The following XCL2 variants were observed in gnomAD, a reference collection of about 807,000 sequenced individuals.
The protein encoded by XCL2 is X-C motif chemokine ligand 2.
A neutral mutation model predicts 7.2 loss-of-function variants in XCL2; 8 were observed. The ratio of observed to expected loss-of-function variants is 1.10; its 90% CI spans 0.65 to 1.99. The LOEUF (loss-of-function observed/expected upper bound fraction) is 1.99. Ranked by LOEUF, XCL2 falls within the 30% of genes most tolerant of loss-of-function variation. XCL2 has a pLI of 0.00. For synonymous variants in XCL2, 46 were observed against 54.2 expected, an observed-to-expected ratio of 0.85 and a Z score of 0.67; for missense variants, 131 against 138.6, an observed-to-expected ratio of 0.94 and a Z score of 0.28.
Position 168,540,911 on chromosome 1 carries a change from A to G in XCL2, c.*41T>C, listed in dbSNP as rs1055390691. 9 of 1,606,092 alleles carry G rather than the reference A, an allele frequency of 5.6e-6. No homozygotes were observed. The highest frequency in any genetic ancestry group is 7.7e-6 in the Non-Finnish European group (9 of 1,174,172). On this transcript the variant is annotated 3_prime_UTR_variant, in exon 3 of 3. Coordinates refer to ENST00000367819, the MANE Select transcript of XCL2 (RefSeq NM_003175.4). ...TCAGTCCATGAGGGTGTAAAGTGAA[A>G]TGAGCTGGCTGGCTGGAGACGGACA...
At chr1:168,543,721 C>T (rs1341444454) in intron 1 of XCL2, among the ~76,000 whole-genome samples, 183 bp downstream of exon 1, 1 of 151,520 alleles carries the variant, frequency 6.6e-6, no homozygotes, top group East Asian at 2.0e-4. Context: ...CAAATTCTCC[C>T]TGTTTTGGAA....
chr1:168,543,666 A>C (rs1185231787), intron 1 of XCL2, among the ~76,000 whole-genome samples: 2 of 146,692 alleles, frequency 1.4e-5, no homozygotes, highest in Admixed American at 7.0e-5. Flanking sequence ...TAAGGAATTT[A>C]CCTGAAATTA....
intron 1 of XCL2, chr1:168,542,861 G>A (rs181594216): frequency 4.9e-4 from 99 of 203,680 alleles, no homozygotes; most frequent in African/African-American, 2.1e-3. Flanking sequence ...GGCAGGCATT[G>A]GACAGGACAT....
chr1:168,541,987 A>G lies in XCL2; in HGVS notation c.176+6T>C, dbSNP rs375960253. ...CCCAGCCCAACTTCTGAGGAGGCAGACTCACATTACTGCTCTCAAGGAGCC... is the reference window on the plus strand; with the variant it reads ...CCCAGCCCAACTTCTGAGGAGGCAGGCTCACATTACTGCTCTCAAGGAGCC... On this transcript the variant is annotated splice_donor_region_variant and intron_variant, in intron 2 of 2. Transcript: ENST00000367819. 3.7e-6 allele frequency: 6 copies of G among 1,610,302 alleles called. No homozygotes were observed. Among genetic ancestry groups the G allele is most frequent in the Non-Finnish European group, 5.1e-6 (6 of 1,178,058 alleles).
chr1:168,543,927 G>C lies in XCL2; in HGVS notation c.38C>G (p.Ser13Cys). Residue 13 changes from serine to cysteine, a missense_variant, in exon 1 of 3, where the codon TCT becomes TGT. Transcript: ENST00000367819. ...ACCTTCCACAATGTATGCAGTGAGA[G>C]AGCAGATGCCAAGGAGGGCCAGGAT... ...LLILALLGICSLTAYIVEGVG... is the reference protein window; with the variant it reads ...LLILALLGICCLTAYIVEGVG... 6.2e-7 allele frequency: 1 copy of C among 1,610,898 alleles called. No homozygotes were observed. The highest frequency in any genetic ancestry group is 1.3e-5 in the African/African-American group (1 of 74,228).
At chr1:168,541,640 C>A (rs1322669848) in intron 2 of XCL2, among the ~76,000 whole-genome samples, 2 of 152,128 alleles carry the variant, frequency 1.3e-5, no homozygotes, top group Non-Finnish European at 2.9e-5. Context: ...CTCTGCCTAA[C>A]TCAACCCTAA....
rs745531657 is a variant in XCL2, at chr1:168,540,947, G to T, written c.*5C>A. Reference sequence around the variant, plus strand: ...GGCTGGAGACGGACAGGGTGCCAGAGACTACTAGCCAGTCAGGGTCACAGC... The same window carrying T: ...GGCTGGAGACGGACAGGGTGCCAGATACTACTAGCCAGTCAGGGTCACAGC... On this transcript the variant is annotated 3_prime_UTR_variant, in exon 3 of 3. Transcript: ENST00000367819. The T allele has an allele frequency of 3.1e-6, 5 of 1,612,564 alleles. No individual in the cohort carries two copies. The African/African-American group carries it at 6.7e-5, about 22-fold the overall frequency.
At position 168,543,892 on chromosome 1, in the gene XCL2, T is replaced by G. The variant is rs562716693; in HGVS notation, c.61+12A>C. The stretch of plus-strand genomic sequence containing the variant: ...CCCTATTCTTTATCTCACAGACAGC[T>G]TCTCCACTTACCTTCCACAATGTAT... On this transcript the variant is annotated intron_variant, in intron 1 of 2. Coordinates refer to ENST00000367819, the MANE Select transcript of XCL2 (RefSeq NM_003175.4). The G allele has an allele frequency of 6.2e-7, 1 of 1,600,446 alleles. No homozygotes were observed. The highest frequency in any genetic ancestry group is 2.2e-5 in the East Asian group (1 of 44,814).
chr1:168,541,432 C>T (rs1229710203), intron 2 of XCL2, among the ~76,000 whole-genome samples: 1 of 152,004 alleles, frequency 6.6e-6, no homozygotes, highest in Non-Finnish European at 1.5e-5. Context: ...ATAACCTCTT[C>T]CTTTTCAAAT....
At position 168,543,846 on chromosome 1, in the gene XCL2, G is replaced by A. The variant is rs112155342; in HGVS notation, c.61+58C>T. The stretch of plus-strand genomic sequence containing the variant: ...TCAAAACCCGAGTCAAACCCAAAAT[G>A]TGTGCCCACCTGCCTTGCCTCCCTA... On this transcript the variant is annotated intron_variant, in intron 1 of 2. Coordinates refer to ENST00000367819, the MANE Select transcript of XCL2 (RefSeq NM_003175.4). 1.5e-5 allele frequency: 24 copies of A among 1,605,912 alleles called. No individual in the cohort carries two copies. The South Asian group carries it at 1.9e-4, about 13-fold the overall frequency.
At chr1:168,543,211 A>G (rs907626732) in intron 1 of XCL2, 6 of 256,338 alleles carry the variant, frequency 2.3e-5, no homozygotes, top group Non-Finnish European at 4.4e-5. Context: ...TAGTGATTGC[A>G]CATGGTGTGG....
chr1:168,542,998 A>C (rs1227555514), intron 1 of XCL2: 2 of 336,672 alleles, frequency 5.9e-6, no homozygotes, highest in Non-Finnish European at 1.1e-5. Flanking sequence ...CCCAAGCCTT[A>C]GACCCCCAAA....
chr1:168,541,245 A>T, intron 2 of XCL2, 125 bp from the exon 3 acceptor site: 1 of 1,293,712 alleles, frequency 7.7e-7, no homozygotes, highest in Admixed American at 2.8e-5. Context: ...AGTCTTTCAG[A>T]GCCATGAGAT....
At position 168,540,918 on chromosome 1, in the gene XCL2, G is replaced by C. The variant is rs1654262348; in HGVS notation, c.*34C>G. ...ATGAGGGTGTAAAGTGAAATGAGCT[G>C]GCTGGCTGGAGACGGACAGGGTGCC... On this transcript the variant is annotated 3_prime_UTR_variant, in exon 3 of 3. Transcript: ENST00000367819. The C allele has an allele frequency of 1.2e-6, 2 of 1,608,232 alleles. No homozygotes were observed. The highest frequency in any genetic ancestry group is 2.7e-5 in the African/African-American group (2 of 74,826).
chr1:168,541,309 T>G (rs1006719656), intron 2 of XCL2, among the ~76,000 whole-genome samples, 189 bp from the exon 3 acceptor site: 6 of 152,164 alleles, frequency 3.9e-5, no homozygotes, highest in African/African-American at 1.4e-4. Flanking sequence ...GAGAAATATC[T>G]GCAAGTAGTA....
chr1:168,543,802 A>C, intron 1 of XCL2, 102 bp downstream of exon 1: 1 of 1,550,772 alleles, frequency 6.4e-7, no homozygotes, highest in Non-Finnish European at 8.9e-7. Context: ...GCTCCCCTGG[A>C]GACAGCAGTT....
At chr1:168,542,564 A>G (rs1015986063) in intron 1 of XCL2, among the ~76,000 whole-genome samples, 1 of 152,078 alleles carries the variant, frequency 6.6e-6, no homozygotes, top group African/African-American at 2.4e-5. Flanking sequence ...ATCATTTCAA[A>G]TAGTGCAACA....
chr1:168,542,319 A>G (rs1289469399), intron 1 of XCL2, among the ~76,000 whole-genome samples: 3 of 151,630 alleles, frequency 2.0e-5, no homozygotes, highest in African/African-American at 7.3e-5. Flanking sequence ...AATCAACAGA[A>G]TTGTTTCAGG....
chr1:168,542,065 A>G lies in XCL2; in HGVS notation c.104T>C (p.Leu35Pro), dbSNP rs770125968. The G allele has an allele frequency of 6.4e-7, 1 of 1,563,084 alleles. No individual in the cohort carries two copies. Among genetic ancestry groups the G allele is most frequent in the East Asian group, 2.5e-5 (1 of 40,686 alleles). Residue 35 changes from leucine to proline, a missense_variant, in exon 2 of 3, where the codon CTC becomes CCC. Coordinates refer to ENST00000367819, the MANE Select transcript of XCL2 (RefSeq NM_003175.4). Reference protein sequence around the residue: ...EVSHRRTCVSLTTQRLPVSRI... With the variant: ...EVSHRRTCVSPTTQRLPVSRI... ...GCTAACTGGCAGTCGCTGGGTAGTGAGGCTCACACAGGTCCTCCTATGTGA... is the reference window on the plus strand; with the variant it reads ...GCTAACTGGCAGTCGCTGGGTAGTGGGGCTCACACAGGTCCTCCTATGTGA...
Sources: gnomAD v4.1 joint callset for allele counts (sites outside exome capture counted in the v4.1 genomes callset) on GRCh38, gnomAD v4.1.1 for gene constraint, MANE v1.5 for transcripts, NCBI Gene and HGNC (gene_info 2026-07-23, HGNC 2026-07-21) for gene names.